Variants in AGBL1 observed in about 807,000 individuals in gnomAD.
The protein encoded by AGBL1 is cytosolic carboxypeptidase 4.
AGBL1 carries 130 observed loss-of-function variants against 118.9 expected under a neutral mutation model. That is an observed-to-expected ratio of 1.09 (90% CI 0.95 to 1.26). The LOEUF (loss-of-function observed/expected upper bound fraction) is 1.26, where lower values mean the gene tolerates loss of function less well. Ranked by LOEUF, AGBL1 falls within the 50% of genes most tolerant of loss-of-function variation. The pLI is 0.00. For missense variants in AGBL1, 1,584 were observed against 1,298.1 expected (o/e 1.22, Z -3.38); for synonymous variants, 555 against 478.9 (o/e 1.16, Z -2.08).
chr15:86,776,655 T>C (rs2078259184), intron 22 of AGBL1, among the ~76,000 whole-genome samples: 1 of 151,786 alleles, frequency 6.6e-6, no homozygotes, highest in Admixed American at 6.6e-5. Context: ...AAAAAGATTT[T>C]TGCTGTTGTT....
chr15:86,383,414 C>G (rs1442936455), intron 17 of AGBL1, among the ~76,000 whole-genome samples: 1 of 151,668 alleles, frequency 6.6e-6, no homozygotes, highest in Admixed American at 6.6e-5. Flanking sequence ...ATGGTGAAAC[C>G]CCACCTTTAC....
intron 22 of AGBL1, among the ~76,000 whole-genome samples, chr15:86,768,807 T>C (rs1403162675): frequency 1.3e-5 from 2 of 152,006 alleles, no homozygotes; most frequent in African/African-American, 2.4e-5. Context: ...GGGCCTCTTA[T>C]ATCATATTAA....
At chr15:87,020,693 A>G (rs983491144) in intron 24 of AGBL1, among the ~76,000 whole-genome samples, 2 of 152,130 alleles carry the variant, frequency 1.3e-5, no homozygotes, top group African/African-American at 4.8e-5. Flanking sequence ...TAGCATTCCT[A>G]TGCACTAAAA....
chr15:86,318,715 T>C (rs2080057461), intron 17 of AGBL1, among the ~76,000 whole-genome samples: 1 of 143,062 alleles, frequency 7.0e-6, no homozygotes, highest in African/African-American at 2.6e-5. Flanking sequence ...TTTTTTTTTT[T>C]TTTTTTGGCA....
rs759334850 is a variant in AGBL1, at chr15:86,295,277, A to G, written c.2243A>G (p.Lys748Arg). 43 of 1,613,700 alleles carry G rather than the reference A, an allele frequency of 2.7e-5. No homozygotes were observed. The highest frequency in any genetic ancestry group is 3.6e-5 in the Non-Finnish European group (43 of 1,179,718). The change falls in exon 17 of 23, where the codon AAG becomes AGG. Residue 748 changes from lysine (K) to arginine (R), a missense_variant. Coordinates refer to ENST00000614907, the MANE Select transcript of AGBL1 (RefSeq NM_001386094.1). The stretch of plus-strand genomic sequence containing the variant: ...CAGACTCATCTTGACATCCTGGAAA[A>G]GAGTGTCAACCTCAAAGAGGTCTAC... ...ALMTHLDILE[K>R]SVNLKEVYFR...
chr15:86,495,273 A>G (rs74251105), intron 18 of AGBL1, among the ~76,000 whole-genome samples: 5,469 of 151,866 alleles, frequency 0.036, 150 homozygotes, highest in South Asian at 0.09. Flanking sequence ...AAGCAAACAA[A>G]CACACCCCAT....
chr15:86,900,228 G>C (rs2080191971), intron 22 of AGBL1, among the ~76,000 whole-genome samples: 1 of 152,048 alleles, frequency 6.6e-6, no homozygotes. Flanking sequence ...CCTATTGTGG[G>C]ACTTCACCTT....
At chr15:86,684,463 C>CTTTTTT (rs11436174) in intron 22 of AGBL1, among the ~76,000 whole-genome samples, 1 of 145,994 alleles carries the variant, frequency 6.8e-6, no homozygotes, top group Non-Finnish European at 1.5e-5. Context: ...ATAGTTCTCT[C>CTTTTTT]TTTTTTTTTT....
In AGBL1 at chr15:86,843,153, T is replaced by C. The variant is rs138659982; in HGVS notation, c.3159-63934T>C. Among the ~76,000 whole-genome samples the C allele has an allele frequency of 1.5e-3, 222 of 152,260 alleles. 1 individual carries two copies. The highest frequency in any genetic ancestry group is 4.9e-3 in the African/African-American group (202 of 41,548). On this transcript the variant is annotated intron_variant, in intron 22 of 22. Coordinates refer to ENST00000614907, the MANE Select transcript of AGBL1 (RefSeq NM_001386094.1). ...AATGGGCAACAACAGAAAAAGCAAG[T>C]TGCTTAAAGGTCATGCATCTGCATT...
intron 22 of AGBL1, among the ~76,000 whole-genome samples, chr15:86,754,125 CTATAA>C (rs1399688104): frequency 6.6e-6 from 1 of 152,046 alleles, no homozygotes; most frequent in Non-Finnish European, 1.5e-5. Flanking sequence ...AGAGCTCTAA[CTATAA>C]TATATTTTAT....
At chr15:86,810,078 G>A in intron 22 of AGBL1, among the ~76,000 whole-genome samples, 1 of 152,022 alleles carries the variant, frequency 6.6e-6, no homozygotes, top group East Asian at 1.9e-4. Flanking sequence ...TGGCAGCCTT[G>A]GTCAGTATGC....
At chr15:86,961,426 C>T (rs1017497448) in intron 23 of AGBL1, among the ~76,000 whole-genome samples, 4 of 151,982 alleles carry the variant, frequency 2.6e-5, no homozygotes, top group Non-Finnish European at 5.9e-5. Context: ...TGCCAAACTT[C>T]TACCGACTTC....
At chr15:86,453,309 C>G (rs1434707639) in intron 18 of AGBL1, among the ~76,000 whole-genome samples, 1 of 152,202 alleles carries the variant, frequency 6.6e-6, no homozygotes, top group Non-Finnish European at 1.5e-5. Context: ...CATTCATATT[C>G]CCTTCTCTAC....
intron 18 of AGBL1, among the ~76,000 whole-genome samples, chr15:86,518,738 C>T (rs146038578): frequency 3.3e-5 from 5 of 151,996 alleles, no homozygotes; most frequent in African/African-American, 1.2e-4. Flanking sequence ...AACATTCAGT[C>T]AGTGCAAAAT....
intron 17 of AGBL1, among the ~76,000 whole-genome samples, chr15:86,304,559 T>A (rs1163218483): frequency 6.6e-6 from 1 of 152,218 alleles, no homozygotes; most frequent in South Asian, 2.1e-4. Context: ...AGTCTCTGCA[T>A]GAAGCAGGTG....
chr15:86,085,142 G>A (rs1895553001), intron 1 of AGBL1, among the ~76,000 whole-genome samples: 2 of 152,108 alleles, frequency 1.3e-5, no homozygotes, highest in African/African-American at 4.8e-5. Flanking sequence ...TGAATGCCAT[G>A]GTAAAGGTAA....
intron 21 of AGBL1, among the ~76,000 whole-genome samples, chr15:86,562,949 C>G (rs1425916945): frequency 6.6e-6 from 1 of 152,012 alleles, no homozygotes; most frequent in African/African-American, 2.4e-5. Context: ...TTGTAGTATT[C>G]TCTGATGGTA....
chr15:86,242,203 G>A (rs1309742394), intron 6 of AGBL1, among the ~76,000 whole-genome samples: 1 of 152,018 alleles, frequency 6.6e-6, no homozygotes, highest in African/African-American at 2.4e-5. Flanking sequence ...CCCAGTCTCA[G>A]GTATGTCTTT....
At chr15:86,160,149 G>GTCAGTGT (rs1308024365) in intron 5 of AGBL1, among the ~76,000 whole-genome samples, 3 of 147,726 alleles carry the variant, frequency 2.0e-5, no homozygotes, top group Non-Finnish European at 4.5e-5. Flanking sequence ...GGAAGGAGGG[G>GTCAGTGT]TCAGTGTTCT....
Sources: gnomAD v4.1 joint callset for allele counts (sites outside exome capture counted in the v4.1 genomes callset) on GRCh38, gnomAD v4.1.1 for gene constraint, MANE v1.5 for transcripts, NCBI Gene and HGNC (gene_info 2026-07-23, HGNC 2026-07-21) for gene names.